Variants in MTUS2 observed in about 807,000 individuals in gnomAD.
MTUS2 encodes microtubule associated scaffold protein 2, also known as microtubule-associated tumor suppressor candidate 2.
A neutral mutation model predicts 114.1 loss-of-function variants in MTUS2; 40 were observed. The ratio of observed to expected loss-of-function variants is 0.35; its 90% CI spans 0.27 to 0.46. MTUS2 has a LOEUF of 0.46. Ranked by LOEUF, MTUS2 falls within the 20% of genes least tolerant of loss-of-function variation. The pLI is 1.00. For synonymous variants in MTUS2, 688 were observed against 672.0 expected, an observed-to-expected ratio of 1.02 and a Z score of -0.37; for missense variants, 1,679 against 1,705.4, an observed-to-expected ratio of 0.98 and a Z score of 0.27.
At chr13:28,845,728 A>G (rs1416889060) in intron 2 of MTUS2, among the ~76,000 whole-genome samples, 1 of 151,882 alleles carries the variant, frequency 6.6e-6, no homozygotes, top group African/African-American at 2.4e-5. Context: ...GTAAGTCATC[A>G]GATAGCCACA....
chr13:29,018,897 A>G (rs946962351), intron 2 of MTUS2, among the ~76,000 whole-genome samples: 17 of 152,144 alleles, frequency 1.1e-4, no homozygotes, highest in Middle Eastern at 3.2e-3. Flanking sequence ...GGGCAGATAC[A>G]ATTTTGTTTT....
intron 9 of MTUS2, among the ~76,000 whole-genome samples, chr13:29,474,663 A>AT (rs1005347790): frequency 5.3e-5 from 8 of 151,896 alleles, no homozygotes; most frequent in Admixed American, 2.0e-4. Flanking sequence ...GATTTGCCTT[A>AT]TTTTTTTTAC....
Position 28,927,983 on chromosome 13 carries a change from T to A in MTUS2, c.-243+88133T>A, listed in dbSNP as rs117803824. Among the ~76,000 whole-genome samples the A allele has an allele frequency of 1.5e-3, 233 of 152,286 alleles. 8 individuals carry two copies. The East Asian group carries it at 0.041, about 27-fold the overall frequency. On this transcript the variant is annotated intron_variant, in intron 2 of 15. Coordinates refer to ENST00000612955, the MANE Select transcript of MTUS2 (RefSeq NM_001033602.4). Reference sequence around the variant, plus strand: ...TCACACCTTTACAGCCAACTCGTTTTTGACAAAGGTGCCAAGAACACACAA... The same window carrying A: ...TCACACCTTTACAGCCAACTCGTTTATGACAAAGGTGCCAAGAACACACAA...
intron 10 of MTUS2, chr13:29,484,281 C>G (rs2388076): frequency 6.6e-6 from 1 of 152,282 alleles, no homozygotes; most frequent in Non-Finnish European, 1.5e-5. Flanking sequence ...CACTTTGTCC[C>G]TCATCTGCAT....
chr13:29,489,643 A>G (rs921185550), intron 11 of MTUS2: 7 of 152,222 alleles, frequency 4.6e-5, no homozygotes, highest in African/African-American at 1.7e-4. Context: ...TTCCAATTTA[A>G]TTGCTCTGGG....
rs779360676 is a variant in MTUS2 at position 28,877,158 on chromosome 13, AC to A, written c.-243+37309del. ...CAAAAAAAAAAAACAACAAAAAAAT[AC>A]AAAAAAAAATTAGCTGGGCGTGGTG... On this transcript the variant is annotated intron_variant, in intron 2 of 15. Transcript: ENST00000612955. 9.8e-3 allele frequency among the ~76,000 whole-genome samples: 1,464 copies of A among 149,894 alleles called. 27 individuals are homozygous for A. Among genetic ancestry groups the A allele is most frequent in the African/African-American group, 0.033 (1,364 of 40,778 alleles).
chr13:29,112,435 T>C (rs1477352588), intron 5 of MTUS2, among the ~76,000 whole-genome samples: 4 of 152,160 alleles, frequency 2.6e-5, no homozygotes, highest in Non-Finnish European at 5.9e-5. Context: ...GTCATTAAGA[T>C]GTCACTGGTA....
intron 2 of MTUS2, among the ~76,000 whole-genome samples, chr13:28,948,208 C>A (rs2138162038): frequency 6.6e-6 from 1 of 152,130 alleles, no homozygotes; most frequent in Middle Eastern, 3.4e-3. Context: ...GTTCATTAGC[C>A]AGCTGTTTAC....
chr13:28,991,568 C>G (rs1325165631), intron 2 of MTUS2, among the ~76,000 whole-genome samples: 1 of 152,076 alleles, frequency 6.6e-6, no homozygotes, highest in Non-Finnish European at 1.5e-5. Flanking sequence ...CGGGGTTTCA[C>G]TGTGTTAGCC....
At chr13:29,090,883 C>T (rs2475537) in intron 4 of MTUS2, among the ~76,000 whole-genome samples, 98,461 of 152,118 alleles carry the variant, frequency 0.65, 32,978 homozygotes, top group Non-Finnish European at 0.74. Flanking sequence ...AGTTCTGTCT[C>T]TGTCACCTCT....
intron 5 of MTUS2, among the ~76,000 whole-genome samples, chr13:29,102,188 G>T (rs1890446751): frequency 6.6e-6 from 1 of 152,304 alleles, no homozygotes; most frequent in East Asian, 1.9e-4. Flanking sequence ...CATGTTTTGA[G>T]ATATGCATGT....
intron 5 of MTUS2, among the ~76,000 whole-genome samples, chr13:29,125,803 T>C (rs147584665): frequency 6.6e-6 from 1 of 152,318 alleles, no homozygotes; most frequent in Non-Finnish European, 1.5e-5. Context: ...ACAAAGACAA[T>C]AGTTAGATTA....
intron 5 of MTUS2, among the ~76,000 whole-genome samples, chr13:29,229,135 T>G (rs912226461): frequency 1.3e-5 from 2 of 152,120 alleles, no homozygotes; most frequent in Admixed American, 6.5e-5. Context: ...ATTCTGGGGT[T>G]GGTTTCTGCT....
rs372791687 is a variant in MTUS2 at position 29,202,985 on chromosome 13, G to A, written c.2645-78719G>A. ...ATCTCCCAGTACAGGAGGCACGGGG[G>A]TCAGGGACCCCCTGAGGAAGCAGTC... On this transcript the variant is annotated intron_variant, in intron 5 of 15. Transcript: ENST00000612955. 3.2e-4 allele frequency among the ~76,000 whole-genome samples: 48 copies of A among 152,348 alleles called. No homozygotes were observed. In the East Asian group the frequency reaches 6.0e-3, roughly 19 times the overall value.
chr13:29,272,629 T>C lies in MTUS2; in HGVS notation c.2645-9075T>C, dbSNP rs1897920058. ...ACAGTCAGTTATCCTTTTGAGGAGG[T>C]TGAGTAGGAATCACTCATTACTTTG... On this transcript the variant is annotated intron_variant, in intron 5 of 15. Transcript: ENST00000612955. Among the ~76,000 whole-genome samples the C allele has an allele frequency of 2.0e-5, 3 of 152,126 alleles. No individual in the cohort carries two copies. In the South Asian group the frequency reaches 6.2e-4, roughly 31 times the overall value.
At chr13:29,475,373 T>C (rs1566222928) in intron 9 of MTUS2, among the ~76,000 whole-genome samples, 1 of 152,262 alleles carries the variant, frequency 6.6e-6, no homozygotes, top group Admixed American at 6.5e-5. Context: ...ATGTATTTAC[T>C]ATGCTATATT....
At chr13:29,137,452 C>T (rs1175860262) in intron 5 of MTUS2, among the ~76,000 whole-genome samples, 3 of 151,904 alleles carry the variant, frequency 2.0e-5, no homozygotes, top group Non-Finnish European at 4.4e-5. Context: ...ACCTTTTTCC[C>T]TCTTCCTCTG....
At chr13:29,054,249 A>G (rs1888027620) in intron 4 of MTUS2, among the ~76,000 whole-genome samples, 1 of 152,174 alleles carries the variant, frequency 6.6e-6, no homozygotes, top group African/African-American at 2.4e-5. Flanking sequence ...TTGATCATTT[A>G]AAAAATCTGT....
At chr13:29,354,745 C>T (rs1163368323) in intron 7 of MTUS2, among the ~76,000 whole-genome samples, 1 of 152,190 alleles carries the variant, frequency 6.6e-6, no homozygotes, top group Non-Finnish European at 1.5e-5. Context: ...AGCTTCTCCC[C>T]ACCACCAGCT....
Sources: gnomAD v4.1 joint callset for allele counts (sites outside exome capture counted in the v4.1 genomes callset) on GRCh38, gnomAD v4.1.1 for gene constraint, MANE v1.5 for transcripts, NCBI Gene and HGNC (gene_info 2026-07-23, HGNC 2026-07-21) for gene names.